The following FAM186B variants were observed in gnomAD, a reference collection of about 807,000 sequenced individuals.
FAM186B encodes the protein protein FAM186B.
Under a neutral mutation model 83.4 loss-of-function variants are expected in FAM186B, and 68 were observed. That is an observed-to-expected ratio of 0.81 (90% CI 0.67 to 1.00). The LOEUF (loss-of-function observed/expected upper bound fraction) is 1.00, where lower values mean the gene tolerates loss of function less well. Among genes scored for constraint, FAM186B ranks in the 50% least tolerant of loss-of-function variants. The pLI is 0.00. For synonymous variants in FAM186B, 389 were observed against 422.0 expected, an observed-to-expected ratio of 0.92 and a Z score of 0.96; for missense variants, 983 against 1,099.2, an observed-to-expected ratio of 0.89 and a Z score of 1.49.
chr12:49,603,430 C>G, intron 2 of FAM186B, 63 bp from the exon 3 acceptor site: 1 of 1,537,840 alleles, frequency 6.5e-7, no homozygotes, highest in Admixed American at 1.8e-5. Flanking sequence ...CACAGACAGC[C>G]CTATAGCACA....
chr12:49,610,831 A>G, the FAM186B span, among the ~76,000 whole-genome samples: 4 of 152,132 alleles, frequency 2.6e-5, no homozygotes, highest in African/African-American at 9.7e-5. Flanking sequence ...AAGAATTTCA[A>G]AATACAATTG....
In FAM186B at chr12:49,604,456, A is replaced by C. The variant is rs772846171; in HGVS notation, c.179T>G (p.Leu60Ter). The C allele has an allele frequency of 3.7e-6, 6 of 1,614,208 alleles. No homozygotes were observed. The highest frequency in any genetic ancestry group is 5.1e-6 in the Non-Finnish European group (6 of 1,180,038). ...CTGCTGAGATTTGGCATTTTCTTTT[A>C]AATCATATCCTAATTCTTCCTGGAA... ...NRFQEELGYD[L>*]KENAKSQQRD... is the part of the protein sequence containing the mutation. Residue 60 changes from leucine (L) to a stop codon, truncating the protein, a stop_gained, in exon 2 of 7, where the codon TTA becomes TGA. Transcript: ENST00000257894. LOFTEE classifies it high-confidence loss of function.
At chr12:49,595,520 TGAATG>T (rs1939695750) in intron 5 of FAM186B, 2 of 462,142 alleles carry the variant, frequency 4.3e-6, no homozygotes, top group Non-Finnish European at 8.6e-6. Context: ...GACAAAATGA[TGAATG>T]GAAGCCATTA....
chr12:49,610,343 G>A (rs1940071647), upstream of FAM186B, among the ~76,000 whole-genome samples: 1 of 152,106 alleles, frequency 6.6e-6, no homozygotes, highest in African/African-American at 2.4e-5. Flanking sequence ...TTGAAACTCA[G>A]AAATGACAGA....
the FAM186B span, among the ~76,000 whole-genome samples, chr12:49,614,990 TG>T: frequency 6.6e-6 from 1 of 151,950 alleles, no homozygotes; most frequent in Non-Finnish European, 1.5e-5. Context: ...TAGCCAGGCG[TG>T]GGGGCGGGTA....
At chr12:49,608,063 A>G (rs954079601), upstream of FAM186B, among the ~76,000 whole-genome samples, 1 of 152,090 alleles carries the variant, frequency 6.6e-6, no homozygotes, top group Non-Finnish European at 1.5e-5. Flanking sequence ...AAAAAGTACT[A>G]CAGACTAATA....
chr12:49,595,455 G>A (rs1939693613), intron 5 of FAM186B: 2 of 484,098 alleles, frequency 4.1e-6, no homozygotes, highest in Admixed American at 2.2e-5. Context: ...CTACTGCTCT[G>A]ATGGCTCATG....
rs1254135280 is a variant in FAM186B at position 49,587,622 on chromosome 12, A to G, written c.2665T>C (p.Leu889=). 6.2e-6 allele frequency: 10 copies of G among 1,613,316 alleles called. No individual in the cohort carries two copies. Among genetic ancestry groups the G allele is most frequent in the Admixed American group, 3.3e-5 (2 of 59,948 alleles). Reference sequence around the variant, plus strand: ...CAGGAGGACTACACGTCCAGTGTCAACAGCCGGGGAATATCTGGGTGTCCC... The same window carrying G: ...CAGGAGGACTACACGTCCAGTGTCAGCAGCCGGGGAATATCTGGGTGTCCC... ...LRGHPDIPRL[L]TLDV is the part of the protein sequence containing the mutation. Residue 889 remains leucine, a synonymous_variant, in exon 7 of 7, where the codon TTG becomes CTG. Transcript: ENST00000257894.
chr12:49,604,072 G>T, intron 2 of FAM186B: 1 of 529,784 alleles, frequency 1.9e-6, no homozygotes. Flanking sequence ...TTTCTATCCT[G>T]CACAAAAATG....
intron 2 of FAM186B, among the ~76,000 whole-genome samples, chr12:49,604,025 G>T (rs1939955255): frequency 6.6e-6 from 1 of 152,204 alleles, no homozygotes. Context: ...TCACCCAGGG[G>T]TGCTCTATAA....
chr12:49,603,682 G>A (rs1003388186), intron 2 of FAM186B, among the ~76,000 whole-genome samples: 3 of 152,184 alleles, frequency 2.0e-5, no homozygotes, highest in African/African-American at 2.4e-5. Context: ...GCTCTATGCC[G>A]ATTGCCTAGT....
the FAM186B span, chr12:49,619,667 C>CTTT: frequency 1.9e-3 from 284 of 145,892 alleles, no homozygotes; most frequent in South Asian, 5.6e-3. Context: ...TTAGACATCT[C>CTTT]TTTTTTTTTT....
the FAM186B span, among the ~76,000 whole-genome samples, chr12:49,610,768 C>T: frequency 7.8e-5 from 11 of 141,230 alleles, no homozygotes; most frequent in East Asian, 2.0e-4. Flanking sequence ...CCAGCCTGGG[C>T]GACAGAGCAA....
chr12:49,605,938 A>G (rs1045090791), upstream of FAM186B, among the ~76,000 whole-genome samples: 25 of 150,642 alleles, frequency 1.7e-4, no homozygotes, highest in Admixed American at 1.3e-3. Context: ...TATTTTTTGT[A>G]TTTTTAGTAA....
chr12:49,607,160 A>T (rs576026785), upstream of FAM186B, among the ~76,000 whole-genome samples: 9 of 152,258 alleles, frequency 5.9e-5, no homozygotes, highest in South Asian at 1.9e-3. Context: ...GAACAAAAAA[A>T]CCCAAAATAA....
At chr12:49,614,209 C>A in the FAM186B span, among the ~76,000 whole-genome samples, 1 of 151,960 alleles carries the variant, frequency 6.6e-6, no homozygotes, top group Non-Finnish European at 1.5e-5. Context: ...ACCCAGCAAT[C>A]CCATTACTCG....
At chr12:49,613,206 G>A in the FAM186B span, among the ~76,000 whole-genome samples, 1 of 152,182 alleles carries the variant, frequency 6.6e-6, no homozygotes, top group African/African-American at 2.4e-5. Flanking sequence ...CAAGAGGAAT[G>A]TTTACAGCAC....
At chr12:49,620,395 C>T in the FAM186B span, among the ~76,000 whole-genome samples, 10 of 152,062 alleles carry the variant, frequency 6.6e-5, no homozygotes, top group South Asian at 8.3e-4. Flanking sequence ...GGAGGCTGGG[C>T]GCGGTGGCTC....
chr12:49,620,941 A>G, the FAM186B span, among the ~76,000 whole-genome samples: 88 of 152,250 alleles, frequency 5.8e-4, no homozygotes, highest in Non-Finnish European at 1.0e-3. Context: ...ACAGAATGCC[A>G]TTACACTTGT....
Sources: gnomAD v4.1 joint callset for allele counts (sites outside exome capture counted in the v4.1 genomes callset) on GRCh38, gnomAD v4.1.1 for gene constraint, MANE v1.5 for transcripts, NCBI Gene and HGNC (gene_info 2026-07-23, HGNC 2026-07-21) for gene names.